ZFHX3: variants seen among roughly 807,000 people sequenced by gnomAD.
The protein encoded by ZFHX3 is zinc finger homeobox 3.
Under a neutral mutation model 279.1 loss-of-function variants are expected in ZFHX3, and 42 were observed. The ratio of observed to expected loss-of-function variants is 0.15; its 90% CI spans 0.12 to 0.19. The LOEUF is 0.19. Ranked by LOEUF, ZFHX3 falls within the 10% of genes least tolerant of loss-of-function variation. ZFHX3 has a pLI of 1.00. For synonymous variants in ZFHX3, 2,293 were observed against 1,957.8 expected, an observed-to-expected ratio of 1.17 and a Z score of -4.52; for missense variants, 4,981 against 4,754.0, an observed-to-expected ratio of 1.05 and a Z score of -1.40.
intron 4 of ZFHX3, among the ~76,000 whole-genome samples, chr16:72,854,751 A>C (rs2037707240): frequency 6.6e-6 from 1 of 151,722 alleles, no homozygotes; most frequent in South Asian, 2.1e-4. Context: ...AAACAAAACC[A>C]CCCGGAGGAG....
At chr16:73,674,194 C>T (rs985231709) in intron 2 of ZFHX3, among the ~76,000 whole-genome samples, 1 of 151,732 alleles carries the variant, frequency 6.6e-6, no homozygotes, top group Non-Finnish European at 1.5e-5. Flanking sequence ...TTTTCATATA[C>T]AGAAAAGTGT....
At chr16:73,594,879 T>A (rs2052032949) in intron 2 of ZFHX3, among the ~76,000 whole-genome samples, 1 of 152,214 alleles carries the variant, frequency 6.6e-6, no homozygotes, top group South Asian at 2.1e-4. Context: ...TGTTAATATT[T>A]GTGTATGGTC....
At chr16:72,896,499 T>C (rs1466049943) in intron 3 of ZFHX3, among the ~76,000 whole-genome samples, 2 of 152,172 alleles carry the variant, frequency 1.3e-5, no homozygotes, top group Non-Finnish European at 2.9e-5. Context: ...CTAATCATTT[T>C]AAAAGAAGGG....
At chr16:73,842,509 C>T (rs1413114087) in intron 1 of ZFHX3, among the ~76,000 whole-genome samples, 1 of 152,094 alleles carries the variant, frequency 6.6e-6, no homozygotes, top group Non-Finnish European at 1.5e-5. Context: ...GCCTATGCTC[C>T]ATATCCCCAT....
At chr16:73,143,023 C>T (rs747803516) in intron 6 of ZFHX3, among the ~76,000 whole-genome samples, 1 of 152,066 alleles carries the variant, frequency 6.6e-6, no homozygotes, top group African/African-American at 2.4e-5. Context: ...TAAGTAGAAC[C>T]ATATTGCCAT....
chr16:73,510,878 G>A (rs917394046), intron 2 of ZFHX3, among the ~76,000 whole-genome samples: 2 of 152,194 alleles, frequency 1.3e-5, no homozygotes, highest in Non-Finnish European at 2.9e-5. Flanking sequence ...CTCATATAGG[G>A]CAACTCACAC....
At chr16:72,949,384 G>T (rs1960863947) in intron 3 of ZFHX3, among the ~76,000 whole-genome samples, 1 of 152,176 alleles carries the variant, frequency 6.6e-6, no homozygotes, top group Non-Finnish European at 1.5e-5. Flanking sequence ...AGGTGTGTGG[G>T]ATCAGGCCAG....
chr16:73,125,944 T>C (rs1305309827), intron 7 of ZFHX3, among the ~76,000 whole-genome samples: 1 of 152,052 alleles, frequency 6.6e-6, no homozygotes, highest in Admixed American at 6.6e-5. Flanking sequence ...GATAACTCAG[T>C]CAAGGTCATA....
At chr16:73,007,910 C>T (rs1963772055) in intron 1 of ZFHX3, among the ~76,000 whole-genome samples, 1 of 152,178 alleles carries the variant, frequency 6.6e-6, no homozygotes, top group African/African-American at 2.4e-5. Flanking sequence ...ATGCAACTTA[C>T]ATTTGTTACA....
chr16:73,550,287 C>T (rs1200528157), intron 2 of ZFHX3, among the ~76,000 whole-genome samples: 3 of 152,142 alleles, frequency 2.0e-5, no homozygotes, highest in Non-Finnish European at 2.9e-5. Context: ...CAGTCCACTC[C>T]GTTAATGTCA....
intron 1 of ZFHX3, among the ~76,000 whole-genome samples, chr16:73,720,764 T>C (rs2053466323): frequency 6.6e-6 from 1 of 152,228 alleles, no homozygotes; most frequent in Admixed American, 6.5e-5. Context: ...GTGAGCCATT[T>C]CTTTCAACAA....
chr16:73,499,962 T>C (rs187369320), intron 2 of ZFHX3: 1 of 152,358 alleles, frequency 6.6e-6, no homozygotes, highest in East Asian at 1.9e-4. Flanking sequence ...CTGCCAGTCA[T>C]ATAAAAGTAT....
chr16:72,937,263 T>C (rs1305410298), intron 3 of ZFHX3, among the ~76,000 whole-genome samples: 5 of 152,120 alleles, frequency 3.3e-5, no homozygotes, highest in Non-Finnish European at 2.9e-5. Flanking sequence ...CTGAATGAGA[T>C]ACTTAGGGAG....
At chr16:73,456,994 G>C (rs1450020234) in intron 2 of ZFHX3, among the ~76,000 whole-genome samples, 1 of 152,206 alleles carries the variant, frequency 6.6e-6, no homozygotes, top group Non-Finnish European at 1.5e-5. Flanking sequence ...GAAAGGGACA[G>C]ATTGGAGATA....
chr16:73,526,877 T>G (rs2019704356), intron 2 of ZFHX3, among the ~76,000 whole-genome samples: 3 of 151,758 alleles, frequency 2.0e-5, no homozygotes, highest in Admixed American at 2.0e-4. Context: ...TACCCTCTAC[T>G]TCTTATCTAG....
intron 4 of ZFHX3, among the ~76,000 whole-genome samples, chr16:73,306,476 C>A (rs1201556026): frequency 2.1e-5 from 3 of 144,376 alleles, no homozygotes; most frequent in Admixed American, 1.4e-4. Context: ...CCCGCCACCA[C>A]ACTCAGCTGA....
intron 1 of ZFHX3, among the ~76,000 whole-genome samples, chr16:73,021,830 C>CAAAAAAA (rs60811631): frequency 4.2e-5 from 3 of 71,800 alleles, no homozygotes; most frequent in Non-Finnish European, 2.7e-5. Flanking sequence ...GACTCCATCT[C>CAAAAAAA]AAAAAAAAAA....
exon 7 of ZFHX3, chr16:73,130,988 G>A (rs756680259): frequency 1.9e-5 from 25 of 1,305,180 alleles, no homozygotes; most frequent in Non-Finnish European, 2.3e-5. Flanking sequence ...CTGCCGCTTT[G>A]TGCCTGAGCT....
intron 7 of ZFHX3, among the ~76,000 whole-genome samples, chr16:72,803,276 G>A (rs1033070712): frequency 1.3e-5 from 2 of 152,150 alleles, no homozygotes; most frequent in Non-Finnish European, 2.9e-5. Flanking sequence ...AGGTTGCAGT[G>A]AGCTGAGATT....
Sources: gnomAD v4.1 joint callset for allele counts (sites outside exome capture counted in the v4.1 genomes callset) on GRCh38, gnomAD v4.1.1 for gene constraint, MANE v1.5 for transcripts, NCBI Gene and HGNC (gene_info 2026-07-23, HGNC 2026-07-21) for gene names.